NID2: variants seen among roughly 807,000 people sequenced by gnomAD.
NID2 encodes the protein nidogen 2.
Under a neutral mutation model 145.4 loss-of-function variants are expected in NID2, and 83 were observed. The ratio of observed to expected loss-of-function variants is 0.57; its 90% CI spans 0.48 to 0.69. NID2 has a LOEUF of 0.69. Ranked by LOEUF, NID2 falls within the 30% of genes least tolerant of loss-of-function variation. The pLI, the probability that NID2 is intolerant of heterozygous loss-of-function variation, is 0.00. For synonymous variants in NID2, 739 were observed against 701.3 expected, an observed-to-expected ratio of 1.05 and a Z score of -0.85; for missense variants, 1,807 against 1,765.7, an observed-to-expected ratio of 1.02 and a Z score of -0.42.
At chr14:52,066,978 C>T (rs1005901606) in intron 2 of NID2, among the ~76,000 whole-genome samples, 1 of 152,136 alleles carries the variant, frequency 6.6e-6, no homozygotes, top group Admixed American at 6.5e-5. Flanking sequence ...ACATTGACGG[C>T]AGACTCCTAT....
chr14:52,018,995 G>T, intron 14 of NID2, 66 bp downstream of exon 14: 1 of 1,294,522 alleles, frequency 7.7e-7, no homozygotes. Context: ...GCGTGGTCTG[G>T]GCAGGAATTA....
chr14:52,016,509 T>C (rs1891217568), intron 14 of NID2, among the ~76,000 whole-genome samples: 1 of 152,152 alleles, frequency 6.6e-6, no homozygotes, highest in African/African-American at 2.4e-5. Flanking sequence ...TGACCCTCCT[T>C]TCTCTCACCA....
intron 9 of NID2, among the ~76,000 whole-genome samples, chr14:52,031,621 C>T (rs1437891210): frequency 6.6e-6 from 1 of 152,288 alleles, no homozygotes; most frequent in East Asian, 1.9e-4. Flanking sequence ...TGAGTCCCAT[C>T]CTGCTCACCA....
rs1025116913 is a variant in NID2 at position 52,006,618 on chromosome 14, C to T, written c.3923G>A (p.Arg1308Gln). Residue 1308 changes from arginine (R) to glutamine (Q), a missense_variant, in exon 20 of 22, where the codon CGG (arginine) becomes CAG (glutamine). Arg to Gln is a conservative substitution (Grantham distance 43, BLOSUM62 1). Transcript: ENST00000216286. ...LECTLPDGTG[R>Q]RVIQNNLKYP... ...CTTGAGGTTGTTTTGAATGACACGCCGTCCAGTTCCATCAGGTAGTGTACA... is the reference window on the plus strand; with the variant it reads ...CTTGAGGTTGTTTTGAATGACACGCTGTCCAGTTCCATCAGGTAGTGTACA... The T allele has an allele frequency of 7.4e-6, 12 of 1,613,724 alleles. No homozygotes were observed. Among genetic ancestry groups the T allele is most frequent in the Non-Finnish European group, 9.3e-6 (11 of 1,179,782 alleles).
chr14:52,017,690 G>A (rs1481260115), intron 14 of NID2, among the ~76,000 whole-genome samples: 5 of 152,158 alleles, frequency 3.3e-5, no homozygotes, highest in African/African-American at 9.7e-5. Context: ...GAGAAGGCAT[G>A]AGGGAAATAG....
chr14:52,009,479 T>TG (rs975218755), intron 18 of NID2: 2 of 152,228 alleles, frequency 1.3e-5, no homozygotes, highest in African/African-American at 4.8e-5. Flanking sequence ...TGTGTTATAT[T>TG]GCAACCTGGT....
intron 2 of NID2, among the ~76,000 whole-genome samples, chr14:52,066,851 A>G (rs910071212): frequency 6.6e-6 from 1 of 152,210 alleles, no homozygotes; most frequent in African/African-American, 2.4e-5. Context: ...GCAGTTTGCC[A>G]TTTACCAAGC....
At chr14:52,062,713 A>T (rs774532541) in intron 2 of NID2, among the ~76,000 whole-genome samples, 3 of 152,090 alleles carry the variant, frequency 2.0e-5, no homozygotes, top group Non-Finnish European at 4.4e-5. Flanking sequence ...GACTGTGAAG[A>T]ATTGAAGGGG....
At chr14:52,032,804 G>GAAAAA (rs3030384) in intron 9 of NID2, among the ~76,000 whole-genome samples, 17,524 of 141,738 alleles carry the variant, frequency 0.12, 1,222 homozygotes, top group East Asian at 0.17. Context: ...GGCATTAAAA[G>GAAAAA]AAAAAAAAAA....
intron 9 of NID2, among the ~76,000 whole-genome samples, chr14:52,030,975 C>A (rs148460751): frequency 6.6e-6 from 1 of 152,368 alleles, no homozygotes; most frequent in East Asian, 1.9e-4. Flanking sequence ...GAGGAAAATA[C>A]TATCTCCACT....
intron 9 of NID2, among the ~76,000 whole-genome samples, chr14:52,032,270 G>A (rs559010977): frequency 1.3e-5 from 2 of 152,226 alleles, no homozygotes; most frequent in Non-Finnish European, 2.9e-5. Flanking sequence ...TTTATCCTCA[G>A]TTCACCACAA....
In NID2 at chr14:52,053,955, T is replaced by C. The variant is rs377519224; in HGVS notation, c.1070-17A>G. On this transcript the variant is annotated splice_polypyrimidine_tract_variant and intron_variant, in intron 4 of 21. Transcript: ENST00000216286. ...TGGAAGATTCTGTTTCAGGATAGAATGGCCAATAAGTAGGTGTTGGATGCA... is the reference window on the plus strand; with the variant it reads ...TGGAAGATTCTGTTTCAGGATAGAACGGCCAATAAGTAGGTGTTGGATGCA... 1 of 1,612,580 alleles carries C rather than the reference T, an allele frequency of 6.2e-7. No homozygotes were observed. Among genetic ancestry groups the C allele is most frequent in the African/African-American group, 1.3e-5 (1 of 74,908 alleles).
At chr14:52,044,414 C>A (rs1378020333) in intron 5 of NID2, among the ~76,000 whole-genome samples, 4 of 150,716 alleles carry the variant, frequency 2.7e-5, no homozygotes, top group Non-Finnish European at 5.9e-5. Context: ...GGACTACAGG[C>A]ACCCACCACC....
intron 5 of NID2, among the ~76,000 whole-genome samples, chr14:52,050,595 G>A (rs1892649541): frequency 6.6e-6 from 1 of 150,816 alleles, no homozygotes; most frequent in Non-Finnish European, 1.5e-5. Context: ...TGGGAAGGAT[G>A]ATTGTACCTA....
chr14:52,012,400 T>TA (rs762436700), intron 16 of NID2, among the ~76,000 whole-genome samples: 1 of 152,114 alleles, frequency 6.6e-6, no homozygotes, highest in Non-Finnish European at 1.5e-5. Flanking sequence ...GCCCAGGAGT[T>TA]CGAGACTGAG....
chr14:52,005,306 A>T lies in NID2; in HGVS notation c.*180T>A, dbSNP rs1423851263. ...CAACCTTCATTTTTAAAAATACAGT[A>T]GTAAAGATTGAGGTATCAGCTTTTC... On this transcript the variant is annotated 3_prime_UTR_variant, in exon 22 of 22. Coordinates refer to ENST00000216286, the MANE Select transcript of NID2 (RefSeq NM_007361.4). The T allele has an allele frequency of 2.2e-6, 1 of 451,844 alleles. No homozygotes were observed. Among genetic ancestry groups the T allele is most frequent in the Non-Finnish European group, 3.8e-6 (1 of 261,580 alleles). 28.0% of individuals were successfully genotyped at this position (451,844 alleles called of 1,614,324 possible).
chr14:52,008,712 T>TA (rs2140342029), intron 18 of NID2: 1 of 152,270 alleles, frequency 6.6e-6, no homozygotes, highest in South Asian at 2.1e-4. Flanking sequence ...ATCTTGGGTT[T>TA]TAGAATAGAA....
chr14:52,026,465 A>T (rs750823556), intron 12 of NID2, among the ~76,000 whole-genome samples: 5 of 152,140 alleles, frequency 3.3e-5, no homozygotes, highest in Non-Finnish European at 7.3e-5. Flanking sequence ...TGTGTGTGTG[A>T]CTCACGTGAA....
chr14:52,066,967 C>T, intron 2 of NID2, among the ~76,000 whole-genome samples: 1 of 152,134 alleles, frequency 6.6e-6, no homozygotes. Context: ...GACTGTAAAG[C>T]ACATTGACGG....
Sources: gnomAD v4.1 joint callset for allele counts (sites outside exome capture counted in the v4.1 genomes callset) on GRCh38, gnomAD v4.1.1 for gene constraint, MANE v1.5 for transcripts, NCBI Gene and HGNC (gene_info 2026-07-23, HGNC 2026-07-21) for gene names.